XPC: variants seen among roughly 807,000 people sequenced by gnomAD.
XPC encodes the protein DNA repair protein complementing XP-C cells.
A neutral mutation model predicts 95.8 loss-of-function variants in XPC; 76 were observed. The ratio of observed to expected loss-of-function variants is 0.79; its 90% confidence interval spans 0.66 to 0.96. The LOEUF (loss-of-function observed/expected upper bound fraction) is 0.96. Ranked by LOEUF, XPC falls within the 40% of genes least tolerant of loss-of-function variation. The pLI is 0.00. For missense variants in XPC, 1,146 were observed against 1,179.8 expected (o/e 0.97, Z 0.42); for synonymous variants, 442 against 442.1 (o/e 1.00, Z 0.00).
intron 10 of XPC, among the ~76,000 whole-genome samples, chr3:14,153,656 G>A (rs1425521397): frequency 6.6e-6 from 1 of 152,174 alleles, no homozygotes; most frequent in African/African-American, 2.4e-5. Context: ...GGTCCGGTTA[G>A]GTTCGGCAGG....
Position 14,168,391 on chromosome 3 carries a change from G to C in XPC, c.413-11C>G, listed in dbSNP as rs1306984979. 1 of 1,613,202 alleles carries C rather than the reference G, an allele frequency of 6.2e-7. No homozygotes were observed. Among genetic ancestry groups the C allele is most frequent in the African/African-American group, 1.3e-5 (1 of 74,804 alleles). ...CAGGCTCACTAAGTTCTATCAACAA[G>C]CATTTTTAAAAATCAGTAATAGTAA... On this transcript the variant is annotated splice_polypyrimidine_tract_variant and intron_variant, in intron 3 of 15. Coordinates refer to ENST00000285021, the MANE Select transcript of XPC (RefSeq NM_004628.5).
chr3:14,169,420 G>A (rs1009068936), intron 3 of XPC, among the ~76,000 whole-genome samples: 1 of 152,198 alleles, frequency 6.6e-6, no homozygotes, highest in Non-Finnish European at 1.5e-5. Context: ...ACTAGAACAT[G>A]AGACAGTCTA....
At chr3:14,152,498 T>C in intron 10 of XPC, 82 bp from the exon 11 acceptor site, 6 of 1,361,994 alleles carry the variant, frequency 4.4e-6, no homozygotes, top group Non-Finnish European at 6.0e-6. Context: ...AGCGCAGCCC[T>C]GCAGGCTCCC....
chr3:14,167,190 C>A lies in XPC; in HGVS notation c.600G>T (p.Gly200=). ...TTACCTTGTGTGTGTCCTCATGGAC[C>A]CCTTTATTGAAACGTTTCATCGCCC... ...LRRAMKRFNK[G]VHEDTHKVHL... is the part of the protein sequence containing the mutation. Residue 200 remains glycine (G), a synonymous_variant, in exon 5 of 16, where the codon GGG becomes GGT. Coordinates refer to ENST00000285021, the MANE Select transcript of XPC (RefSeq NM_004628.5). 6.2e-7 allele frequency: 1 copy of A among 1,608,100 alleles called. No individual in the cohort carries two copies. The highest frequency in any genetic ancestry group is 1.7e-5 in the Admixed American group (1 of 59,416).
intron 9 of XPC, among the ~76,000 whole-genome samples, chr3:14,156,808 AC>A (rs746192177): frequency 6.6e-6 from 1 of 152,370 alleles, no homozygotes; most frequent in Non-Finnish European, 1.5e-5. Flanking sequence ...AGAAAAACAC[AC>A]AGTGCTCTTC....
rs1165401725 is a variant in XPC at position 14,158,360 on chromosome 3, T to C, written c.1523A>G (p.Lys508Arg). The C allele has an allele frequency of 6.2e-7, 1 of 1,613,962 alleles. No homozygotes were observed. The highest frequency in any genetic ancestry group is 1.7e-5 in the Admixed American group (1 of 60,032). Residue 508 changes from lysine (K) to arginine (R), a missense_variant, in exon 9 of 16, where the codon AAA becomes AGA. By Grantham distance (26) the Lys-to-Arg change is conservative. Coordinates refer to ENST00000285021, the MANE Select transcript of XPC (RefSeq NM_004628.5). This position sits in a 1 kb window ranked among gnomAD's most constrained non-coding sequence, Gnocchi z 5.2. ...PAASSSSSSSKRGKKMCSDGE... is the reference protein window; with the variant it reads ...PAASSSSSSSRRGKKMCSDGE... ...ATCGCTGCACATTTTCTTGCCTCTT[T>C]TACTGCTTGAAGAGCTTGAGGATGC...
At chr3:14,157,713 C>T (rs1464058699) in intron 9 of XPC, among the ~76,000 whole-genome samples, 1 of 152,104 alleles carries the variant, frequency 6.6e-6, no homozygotes, top group Non-Finnish European at 1.5e-5. Flanking sequence ...AGTTATATTA[C>T]TTGCATAAAT....
intron 10 of XPC, 94 bp downstream of exon 10, chr3:14,156,241 G>A (rs531093103): frequency 6.8e-7 from 1 of 1,478,100 alleles, no homozygotes; most frequent in East Asian, 2.3e-5. Context: ...TGTCCAGTCA[G>A]ATGAGCTCCC....
chr3:14,147,871 C>T (rs56338866), intron 14 of XPC, 37 bp downstream of exon 14: 25 of 1,549,894 alleles, frequency 1.6e-5, no homozygotes, highest in Middle Eastern at 1.8e-4. Context: ...TGTTGCTTCC[C>T]GCTTCTGCTG....
At chr3:14,164,780 G>A (rs542376907) in intron 7 of XPC, 33 bp downstream of exon 7, 3 of 1,608,612 alleles carry the variant, frequency 1.9e-6, no homozygotes, top group East Asian at 4.5e-5. Flanking sequence ...TAACAGTACT[G>A]ATAAAAAACA....
intron 11 of XPC, 127 bp downstream of exon 11, chr3:14,152,208 G>A (rs755019772): frequency 1.4e-6 from 1 of 709,242 alleles, no homozygotes; most frequent in Non-Finnish European, 2.3e-6. Flanking sequence ...CCGGGAAAGT[G>A]AGACATTTCT....
Position 14,153,913 on chromosome 3 carries a change from T to TG in XPC, c.2034-1498dup. Among the ~76,000 whole-genome samples the TG allele has an allele frequency of 3.3e-5, 5 of 152,264 alleles. No homozygotes were observed. The Middle Eastern group carries it at 0.017, about 518-fold the overall frequency. On this transcript the variant is annotated intron_variant, in intron 10 of 15. Transcript: ENST00000285021. ...CTCAAAGCTCCACTCATGCTCCCAC[T>TG]GGGGGCGGAACATCTTTGACTGCCC...
intron 11 of XPC, chr3:14,151,947 TG>T (rs1695708749): frequency 5.3e-6 from 1 of 190,222 alleles, no homozygotes; most frequent in African/African-American, 2.4e-5. Context: ...ATCACATACA[TG>T]CAAAATGCTC....
At position 14,158,540 on chromosome 3, in the gene XPC, G is replaced by C. The variant is rs1696028217; in HGVS notation, c.1343C>G (p.Ser448Cys). 3 of 1,613,466 alleles carry C rather than the reference G, an allele frequency of 1.9e-6. No individual in the cohort carries two copies. Among genetic ancestry groups the C allele is most frequent in the Non-Finnish European group, 2.5e-6 (3 of 1,179,820 alleles). The change falls in exon 9 of 16, where the codon TCC becomes TGC. Residue 448 changes from serine to cysteine, a missense_variant. Physicochemically the swap from Ser to Cys is moderately radical, Grantham distance 112. Coordinates refer to ENST00000285021, the MANE Select transcript of XPC (RefSeq NM_004628.5). The surrounding 1 kb of genome is among the most constrained non-coding windows in gnomAD (Gnocchi z 5.2). ...EAGSGSDFEL[S>C]SGEASDPSDE... The stretch of plus-strand genomic sequence containing the variant: ...AGAGGGATCAGAGGCTTCTCCACTG[G>C]AGAGCTCAAAATCAGAGCCGCTGCC...
intron 1 of XPC, among the ~76,000 whole-genome samples, chr3:14,174,907 A>T (rs1239861098): frequency 6.6e-6 from 1 of 151,910 alleles, no homozygotes; most frequent in East Asian, 1.9e-4. Flanking sequence ...GGACTCTCCA[A>T]AATCTTGAGT....
At chr3:14,171,414 G>A (rs1696606881) in intron 2 of XPC, among the ~76,000 whole-genome samples, 2 of 152,178 alleles carry the variant, frequency 1.3e-5, no homozygotes, top group Non-Finnish European at 2.9e-5. Flanking sequence ...TCAATGCTCA[G>A]GGGAGAGGGA....
rs3731110 is a variant in XPC, at chr3:14,165,649, G to A, written c.622-64C>T. 22 of 1,583,576 alleles carry A rather than the reference G, an allele frequency of 1.4e-5. No individual in the cohort carries two copies. In the East Asian group the frequency reaches 4.3e-4, roughly 31 times the overall value. Reference sequence around the variant, plus strand: ...AGGCCGGACACCAGGAGGAATTTTTGCTGCCAAAGTCAAGACATGCTGTGG... The same window carrying A: ...AGGCCGGACACCAGGAGGAATTTTTACTGCCAAAGTCAAGACATGCTGTGG... On this transcript the variant is annotated intron_variant, in intron 5 of 15. Coordinates refer to ENST00000285021, the MANE Select transcript of XPC (RefSeq NM_004628.5).
Position 14,164,948 on chromosome 3 carries a change from G to A in XPC, c.780-15C>T, listed in dbSNP as rs3731116. On this transcript the variant is annotated splice_polypyrimidine_tract_variant and intron_variant, in intron 6 of 15. Coordinates refer to ENST00000285021, the MANE Select transcript of XPC (RefSeq NM_004628.5). ...TTCCAATGAACCTGGGGAGAAAGCA[G>A]GCATTCCTTGTGTCAGAGGTCAGGG... 957 of 1,603,448 alleles carry A rather than the reference G, an allele frequency of 6.0e-4. 5 individuals are homozygous for A. The African/African-American group carries it at 0.011, about 19-fold the overall frequency.
intron 8 of XPC, among the ~76,000 whole-genome samples, chr3:14,159,350 C>T (rs1019298928): frequency 6.6e-6 from 1 of 152,164 alleles, no homozygotes; most frequent in Admixed American, 6.5e-5. Flanking sequence ...AGCTTCTAGA[C>T]CATCAGGCTT....
Sources: gnomAD v4.1 joint callset for allele counts (sites outside exome capture counted in the v4.1 genomes callset) on GRCh38, gnomAD v4.1.1 for gene constraint, Gnocchi (gnomAD v3.1) non-coding constraint, MANE v1.5 for transcripts, NCBI Gene and HGNC (gene_info 2026-07-23, HGNC 2026-07-21) for gene names.